Variants in ENDOU observed in about 807,000 individuals in gnomAD.
The protein encoded by ENDOU is uridylate-specific endoribonuclease.
ENDOU carries 49 observed loss-of-function variants against 54.2 expected under a neutral mutation model. The observed-to-expected ratio is 0.90, with a 90% CI of 0.72 to 1.15. The LOEUF (loss-of-function observed/expected upper bound fraction) is 1.15. Ranked by LOEUF, ENDOU falls within the 50% of genes most tolerant of loss-of-function variation. The probability of loss-of-function intolerance (pLI) is 0.00; values close to 1 mark genes in which losing one functional copy is unlikely to be tolerated. For missense variants in ENDOU, 458 were observed against 511.4 expected, an observed-to-expected ratio of 0.90 and a Z score of 1.01; for synonymous variants, 172 against 190.5, an observed-to-expected ratio of 0.90 and a Z score of 0.80.
chr12:47,720,825 C>T lies in ENDOU; in HGVS notation c.106G>A (p.Ala36Thr), dbSNP rs776957197. The T allele has an allele frequency of 1.8e-5, 27 of 1,535,974 alleles. No individual in the cohort carries two copies. Among genetic ancestry groups the T allele is most frequent in the East Asian group, 2.4e-5 (1 of 40,934 alleles). The change falls in exon 2 of 10, where the codon GCT (alanine) becomes ACT (threonine). Residue 36 changes from alanine (A) to threonine (T), a missense_variant. Transcript: ENST00000422538. ...CACCGGCGGTCACACTGGCAGGCAG[C>T]GTCCCGGTTAAATTTCTCATTACAT... Reference protein sequence around the residue: ...SRCNEKFNRDAACQCDRRCLW... With the variant: ...SRCNEKFNRDTACQCDRRCLW...
chr12:47,717,033 T>G lies in ENDOU; in HGVS notation c.408A>C (p.Ile136=), dbSNP rs1277313900. 1 of 1,614,134 alleles carries G rather than the reference T, an allele frequency of 6.2e-7. No individual in the cohort carries two copies. ...AGATGCTCTGAATCTCCTCTTTTGT[T>G]ATGGCATCACTGCTGTGGGAGACCT... ...DHEVSHSSDA[I]TKEEIQSISE... is the part of the protein sequence containing the mutation. The change falls in exon 5 of 10, where the codon ATA becomes ATC. Residue 136 remains isoleucine, a synonymous_variant. Coordinates refer to ENST00000422538, the MANE Select transcript of ENDOU (RefSeq NM_001172439.2).
intron 6 of ENDOU, 108 bp downstream of exon 6, chr12:47,716,192 A>G (rs964127261): frequency 3.7e-6 from 4 of 1,068,920 alleles, no homozygotes; most frequent in Non-Finnish European, 5.7e-6. Context: ...TGACCTCCAC[A>G]GAGTCCCCAC....
intron 6 of ENDOU, 93 bp downstream of exon 6, chr12:47,716,207 T>G: frequency 8.1e-7 from 1 of 1,238,956 alleles, no homozygotes; most frequent in African/African-American, 1.5e-5. Flanking sequence ...CCCCACCGCC[T>G]CCTCACCTGC....
chr12:47,720,729 C>G (rs760018661), intron 2 of ENDOU, 24 bp downstream of exon 2: 32 of 1,534,928 alleles, frequency 2.1e-5, no homozygotes, highest in Non-Finnish European at 2.6e-5. Flanking sequence ...GCTGGACATG[C>G]CTTCGTCTCA....
Position 47,716,321 on chromosome 12 carries a change from AG to A in ENDOU, c.729del (p.Tyr244ThrfsTer20), listed in dbSNP as rs769144210. 1.9e-6 allele frequency: 3 copies of A among 1,614,082 alleles called. No homozygotes were observed. In the South Asian group the frequency reaches 3.3e-5, roughly 18 times the overall value. Reference protein sequence around the residue: ...EIMKTAVMKELYSFLHHQNRY... With the variant: ...EIMKTAVMKEXYSFLHHQNRY... ...TCACTCTGGTGATGGAGGAAGCTGT[AG>A]AGCTCCTTCATGACTGCTGTCTTCA... On this transcript the variant is annotated frameshift_variant, in exon 6 of 10. Transcript: ENST00000422538. LOFTEE classifies it high-confidence loss of function.
Position 47,715,440 on chromosome 12 carries a change from G to A in ENDOU, c.751+860C>T, listed in dbSNP as rs147874852. On this transcript the variant is annotated intron_variant, in intron 6 of 9. Coordinates refer to ENST00000422538, the MANE Select transcript of ENDOU (RefSeq NM_001172439.2). The stretch of plus-strand genomic sequence containing the variant: ...ATTTGAAAAGCCCTTGCTCAGTCTA[G>A]ACCTCCAAGATTCTCTTGTGTATTT... 5.8e-3 allele frequency among the ~76,000 whole-genome samples: 888 copies of A among 152,318 alleles called. 4 individuals carry two copies. The highest frequency in any genetic ancestry group is 9.8e-3 in the Non-Finnish European group (667 of 68,022).
chr12:47,718,451 T>G (rs1940333414), intron 2 of ENDOU, among the ~76,000 whole-genome samples: 1 of 152,208 alleles, frequency 6.6e-6, no homozygotes, highest in Non-Finnish European at 1.5e-5. Context: ...ACATCTGGAT[T>G]GAAAACTCTG....
chr12:47,713,778 G>C (rs1038651862), intron 6 of ENDOU, among the ~76,000 whole-genome samples: 5 of 149,894 alleles, frequency 3.3e-5, no homozygotes, highest in African/African-American at 1.3e-4. Flanking sequence ...CATCAGAAAG[G>C]CCTCTGTGAA....
At chr12:47,724,404 C>A (rs73105812) in intron 1 of ENDOU, among the ~76,000 whole-genome samples, 10,737 of 152,288 alleles carry the variant, frequency 0.071, 482 homozygotes, top group Middle Eastern at 0.11. Flanking sequence ...CTCCTTTCCA[C>A]AACCCAGTTG....
Position 47,709,998 on chromosome 12 carries a change from G to T in ENDOU, c.*804C>A, listed in dbSNP as rs1203271038. Reference sequence around the variant, plus strand: ...ATGCTGAATCATCCTCCTATGAGGAGAACTCTTTCAAAAAAAAATTGGGGA... The same window carrying T: ...ATGCTGAATCATCCTCCTATGAGGATAACTCTTTCAAAAAAAAATTGGGGA... On this transcript the variant is annotated 3_prime_UTR_variant, in exon 10 of 10. Transcript: ENST00000422538. 1.8e-5 allele frequency: 2 copies of T among 110,974 alleles called. No individual in the cohort carries two copies. Among genetic ancestry groups the T allele is most frequent in the African/African-American group, 6.6e-5 (2 of 30,534 alleles). The allele number at this position is 110,974 out of a possible 1,614,324, so 6.9% of individuals were successfully genotyped here.
intron 6 of ENDOU, among the ~76,000 whole-genome samples, chr12:47,713,743 G>C (rs537348354): frequency 3.9e-5 from 3 of 77,718 alleles, no homozygotes; most frequent in Non-Finnish European, 1.1e-4. Flanking sequence ...AAGTTGGCGG[G>C]GGGGGGGGGT....
intron 9 of ENDOU, 55 bp from the exon 10 acceptor site, chr12:47,710,974 C>T (rs1204993489): frequency 8.1e-7 from 1 of 1,238,918 alleles, no homozygotes; most frequent in Non-Finnish European, 1.2e-6. Context: ...CTGCCTCTCC[C>T]TGGGCTGGAA....
At chr12:47,720,684 C>T (rs1284541733) in intron 2 of ENDOU, 69 bp downstream of exon 2, 3 of 1,511,514 alleles carry the variant, frequency 2.0e-6, no homozygotes, top group African/African-American at 2.8e-5. Context: ...CTGCTCTGGC[C>T]TGCTGGACAC....
At chr12:47,718,026 C>G (rs1466985051) in intron 3 of ENDOU, 103 bp downstream of exon 3, 4 of 1,042,450 alleles carry the variant, frequency 3.8e-6, no homozygotes, top group Non-Finnish European at 5.7e-6. Flanking sequence ...TCTCATCTGG[C>G]TGAGGCCTGG....
Position 47,718,118 on chromosome 12 carries a change from G to T in ENDOU, c.244+11C>A. 1 of 1,561,816 alleles carries T rather than the reference G, an allele frequency of 6.4e-7. No homozygotes were observed. Among genetic ancestry groups the T allele is most frequent in the East Asian group, 2.4e-5 (1 of 42,492 alleles). On this transcript the variant is annotated intron_variant, in intron 3 of 9. Coordinates refer to ENST00000422538, the MANE Select transcript of ENDOU (RefSeq NM_001172439.2). ...TATCTTGAGGGCCCCCCTTTGGGGA[G>T]GCAGGCTCACTGCTGGCGAGGGCCT...
At chr12:47,717,752 G>T in intron 3 of ENDOU, 97 bp from the exon 4 acceptor site, 5 of 1,269,066 alleles carry the variant, frequency 3.9e-6, no homozygotes, top group South Asian at 1.4e-5. Flanking sequence ...TCTTCACTCT[G>T]CCCAGTAAAG....
chr12:47,711,775 A>T lies in ENDOU; in HGVS notation c.973T>A (p.Trp325Arg). The T allele has an allele frequency of 1.2e-6, 2 of 1,614,108 alleles. No homozygotes were observed. The highest frequency in any genetic ancestry group is 8.5e-7 in the Non-Finnish European group (1 of 1,180,014). ...DYYSHIYDGP[W>R]DSYPDVLAMQ... ...GCCAGCACATCGGGGTAAGAATCCC[A>T]CTGTGGAGGGAAGGGCAGAAAAGGG... Residue 325 changes from tryptophan to arginine, a missense_variant and splice_region_variant, in exon 9 of 10, where the codon TGG becomes AGG. Transcript: ENST00000422538.
chr12:47,721,007 G>C (rs1275010585), intron 1 of ENDOU, 132 bp from the exon 2 acceptor site: 1 of 816,682 alleles, frequency 1.2e-6, no homozygotes, highest in Non-Finnish European at 1.9e-6. Flanking sequence ...CTGCAAAGGA[G>C]AAGTACATCC....
At position 47,711,794 on chromosome 12, in the gene ENDOU, A is replaced by G. The variant is rs181247468; in HGVS notation, c.973-19T>C. 6.8e-6 allele frequency: 11 copies of G among 1,613,786 alleles called. No individual in the cohort carries two copies. The East Asian group carries it at 2.2e-4, about 33-fold the overall frequency. On this transcript the variant is annotated intron_variant, in intron 8 of 9. Transcript: ENST00000422538. ...AATCCCACTGTGGAGGGAAGGGCAG[A>G]AAAGGGGGTCTGGTGAGTGCCACAG...
Sources: gnomAD v4.1 joint callset for allele counts (sites outside exome capture counted in the v4.1 genomes callset) on GRCh38, gnomAD v4.1.1 for gene constraint, MANE v1.5 for transcripts, NCBI Gene and HGNC (gene_info 2026-07-23, HGNC 2026-07-21) for gene names.